Variants in PARP16 observed in about 807,000 individuals in gnomAD.
The protein encoded by PARP16 is protein mono-ADP-ribosyltransferase PARP16.
In PARP16, 31 loss-of-function variants were observed where a neutral mutation model predicts 35.0. That is an observed-to-expected ratio of 0.88 (90% CI 0.66 to 1.19). The LOEUF is 1.19. Among genes scored for constraint, PARP16 ranks in the 50% most tolerant of loss-of-function variants. The pLI, the probability that PARP16 is intolerant of heterozygous loss-of-function variation, is 0.00. For missense variants in PARP16, 424 were observed against 411.2 expected (o/e 1.03, Z -0.27); for synonymous variants, 162 against 169.5 (o/e 0.96, Z 0.34).
rs1299724680 is a variant in PARP16 at position 65,258,846 on chromosome 15, G to A, written c.*561C>T. On this transcript the variant is annotated 3_prime_UTR_variant, in exon 6 of 6. Transcript: ENST00000649807. ...GGGGCAAGTACAGCTATAGGAGAAG[G>A]CTGTTTGTTGATTTGAGAAAACTGT... is the stretch of plus-strand genomic sequence containing the variant. The A allele has an allele frequency of 6.6e-6, 1 of 152,626 alleles. No homozygotes were observed. Among genetic ancestry groups the A allele is most frequent in the African/African-American group, 2.4e-5 (1 of 41,416 alleles). The allele number at this position is 152,626 out of a possible 1,614,324, so 9.5% of individuals were successfully genotyped here.
downstream of PARP16, among the ~76,000 whole-genome samples, chr15:65,257,470 A>C (rs1335558174): frequency 6.6e-6 from 1 of 151,642 alleles, no homozygotes; most frequent in Non-Finnish European, 1.5e-5. Flanking sequence ...AATAAAAATA[A>C]AAATACAAAA....
chr15:65,281,486 T>A (rs570269695), intron 1 of PARP16, among the ~76,000 whole-genome samples: 5 of 152,132 alleles, frequency 3.3e-5, no homozygotes, highest in Middle Eastern at 3.4e-3. Flanking sequence ...GGTCAGGAGT[T>A]CAAAACCAGC....
chr15:65,250,962 C>A (rs2089343756), intron 2 of PARP16, among the ~76,000 whole-genome samples: 1 of 152,202 alleles, frequency 6.6e-6, no homozygotes, highest in African/African-American at 2.4e-5. Context: ...CGCCTCGCTA[C>A]AACCTTTGCC....
chr15:65,231,962 G>A (rs569926009), downstream of PARP16, among the ~76,000 whole-genome samples: 1 of 151,952 alleles, frequency 6.6e-6, no homozygotes, highest in Non-Finnish European at 1.5e-5. Flanking sequence ...TCTTTTCACT[G>A]ATTTTATAAT....
At position 65,261,002 on chromosome 15, in the gene PARP16, C is replaced by T. The variant is rs1046927190; in HGVS notation, c.716G>A (p.Arg239Gln). ...KKDSKEIDRR[R>Q]ARIKHSEGGD... is the part of the protein sequence containing the mutation. ...CCCTTCACTATGTTTGATTCTCGCT[C>T]GTCTGCGATCTATCTCCTTGGAATC... The change falls in exon 5 of 6, where the codon CGA (arginine) becomes CAA (glutamine). Residue 239 changes from arginine (R) to glutamine (Q), a missense_variant. Arg to Gln is a conservative substitution (Grantham distance 43). Coordinates refer to ENST00000649807, the MANE Select transcript of PARP16 (RefSeq NM_001316943.2). 3.7e-6 allele frequency: 6 copies of T among 1,613,634 alleles called. No individual in the cohort carries two copies. The highest frequency in any genetic ancestry group is 1.7e-5 in the Admixed American group (1 of 59,988).
chr15:65,269,984 C>G (rs2090041993), intron 2 of PARP16, among the ~76,000 whole-genome samples: 1 of 152,208 alleles, frequency 6.6e-6, no homozygotes, highest in South Asian at 2.1e-4. Context: ...ATACAGATCT[C>G]CTGACTCCCA....
intron 3 of PARP16, among the ~76,000 whole-genome samples, chr15:65,242,628 T>G (rs2089109652): frequency 6.6e-6 from 1 of 152,238 alleles, no homozygotes; most frequent in African/African-American, 2.4e-5. Context: ...CCAAGTGTTT[T>G]TTGCTTATAT....
intron 1 of PARP16, among the ~76,000 whole-genome samples, chr15:65,279,957 T>C (rs2090369130): frequency 6.6e-6 from 1 of 151,894 alleles, no homozygotes; most frequent in African/African-American, 2.4e-5. Context: ...AGAATGATCT[T>C]TCCAAACCGG....
chr15:65,274,977 G>A (rs1022847834), intron 1 of PARP16, among the ~76,000 whole-genome samples: 6 of 152,074 alleles, frequency 3.9e-5, no homozygotes, highest in Admixed American at 2.0e-4. Flanking sequence ...TTAGATGGGC[G>A]TGGTGGCAGG....
In PARP16 at chr15:65,259,056, G is replaced by A; in HGVS notation, c.*351C>T. 1 of 178,820 alleles carries A rather than the reference G, an allele frequency of 5.6e-6. No homozygotes were observed. The highest frequency in any genetic ancestry group is 1.2e-5 in the Non-Finnish European group (1 of 84,780). 11.1% of individuals were successfully genotyped at this position (178,820 alleles called of 1,614,324 possible). On this transcript the variant is annotated 3_prime_UTR_variant, in exon 6 of 6. Transcript: ENST00000649807. ...TTAGAGAAAGGGCCAACCTCTGCCA[G>A]GAGAGATTGTAAACACACCACTGAC...
chr15:65,275,677 C>A (rs1232633735), intron 1 of PARP16, among the ~76,000 whole-genome samples: 1 of 152,108 alleles, frequency 6.6e-6, no homozygotes, highest in East Asian at 1.9e-4. Context: ...GTGAAGGACC[C>A]TGTACTCCAC....
At chr15:65,269,216 A>C (rs1448504609) in intron 2 of PARP16, among the ~76,000 whole-genome samples, 1 of 51,142 alleles carries the variant, frequency 2.0e-5, no homozygotes, top group Non-Finnish European at 4.4e-5. Flanking sequence ...TTTTTTTTTG[A>C]GATACAGTCT....
At chr15:65,283,680 G>C (rs922274070) in intron 1 of PARP16, among the ~76,000 whole-genome samples, 4 of 152,100 alleles carry the variant, frequency 2.6e-5, no homozygotes, top group African/African-American at 9.7e-5. Context: ...TGAGAGCTAG[G>C]GGGTGTCCTT....
intron 1 of PARP16, among the ~76,000 whole-genome samples, chr15:65,274,159 G>C (rs781145957): frequency 2.3e-4 from 35 of 151,576 alleles, no homozygotes; most frequent in Non-Finnish European, 4.9e-4. Flanking sequence ...GCCCAGGCTG[G>C]TCTCAAACTC....
chr15:65,241,154 T>C (rs2140734470), intron 3 of PARP16, among the ~76,000 whole-genome samples: 1 of 151,052 alleles, frequency 6.6e-6, no homozygotes, highest in Admixed American at 6.6e-5. Context: ...TTTTTTTTTT[T>C]TGAGATGGAG....
rs1171318830 is a variant in PARP16 at position 65,266,785 on chromosome 15, G to A, written c.313-17C>T. 1.3e-6 allele frequency: 2 copies of A among 1,593,548 alleles called. No homozygotes were observed. The highest frequency in any genetic ancestry group is 1.1e-5 in the South Asian group (1 of 90,036). ...CTTTTCAAACTTGAAAACATGAAGA[G>A]CATCAAAATTTTATTTGGGGAGCTG... On this transcript the variant is annotated splice_polypyrimidine_tract_variant and intron_variant, in intron 2 of 5. Coordinates refer to ENST00000649807, the MANE Select transcript of PARP16 (RefSeq NM_001316943.2).
At position 65,259,260 on chromosome 15, in the gene PARP16, G is replaced by A. The variant is rs1040258386; in HGVS notation, c.*147C>T. 7 of 719,804 alleles carry A rather than the reference G, an allele frequency of 9.7e-6. No individual in the cohort carries two copies. The Admixed American group carries it at 1.6e-4, about 16-fold the overall frequency. 44.6% of individuals were successfully genotyped at this position (719,804 alleles called of 1,614,324 possible). A position where few individuals can be genotyped will look rare whatever the true frequency, so the allele number is the denominator to read the frequency against. On this transcript the variant is annotated 3_prime_UTR_variant, in exon 6 of 6. Transcript: ENST00000649807. ...GGCTGGGAACATCATCAAAGGCAATGGATACATTTAGGCCATATGAAAATT... is the reference window on the plus strand; with the variant it reads ...GGCTGGGAACATCATCAAAGGCAATAGATACATTTAGGCCATATGAAAATT...
chr15:65,276,671 A>G lies in PARP16; in HGVS notation c.175-5599T>C, dbSNP rs73468778. On this transcript the variant is annotated intron_variant, in intron 1 of 5. Transcript: ENST00000649807. ...CATGAGCCCCTGTGTTCAGCCAACA[A>G]ATTTTTTTTAGTATAAATAACCCAT... Among the ~76,000 whole-genome samples the G allele has an allele frequency of 5.3e-3, 814 of 152,250 alleles. 8 individuals are homozygous for G. Among genetic ancestry groups the G allele is most frequent in the African/African-American group, 0.019 (780 of 41,544 alleles).
intron 3 of PARP16, among the ~76,000 whole-genome samples, chr15:65,266,141 C>T (rs757614802): frequency 6.6e-6 from 1 of 152,084 alleles, no homozygotes; most frequent in Non-Finnish European, 1.5e-5. Context: ...GTTGGCCAGG[C>T]TGGTCTGGAA....
Sources: allele counts gnomAD v4.1 joint callset (sites outside exome capture counted in the v4.1 genomes callset), GRCh38; gene constraint gnomAD v4.1.1; transcripts MANE v1.5; gene names NCBI Gene and HGNC (gene_info 2026-07-23, HGNC 2026-07-21).